Variants in RNF216 observed in about 807,000 individuals in gnomAD.
The protein encoded by RNF216 is ring finger protein 216, also known as E3 ubiquitin-protein ligase RNF216.
Under a neutral mutation model 110.8 loss-of-function variants are expected in RNF216, and 72 were observed. The observed-to-expected ratio is 0.65, with a 90% CI of 0.54 to 0.79. The LOEUF is 0.79. Among genes scored for constraint, RNF216 ranks in the 30% least tolerant of loss-of-function variants. RNF216 has a pLI of 0.00. For missense variants in RNF216, 1,342 were observed against 1,141.2 expected (o/e 1.18, Z -2.54); for synonymous variants, 495 against 407.5 (o/e 1.21, Z -2.59).
intron 13 of RNF216, among the ~76,000 whole-genome samples, chr7:5,660,518 T>C (rs1005167519): frequency 6.6e-6 from 1 of 151,862 alleles, no homozygotes. Context: ...TCTCCATCTC[T>C]TGACCTGGTG....
chr7:5,686,936 T>C (rs1044403957), intron 13 of RNF216, among the ~76,000 whole-genome samples: 1 of 152,190 alleles, frequency 6.6e-6, no homozygotes, highest in Non-Finnish European at 1.5e-5. Context: ...GCTCAGGTCG[T>C]AATGCTCACT....
chr7:5,708,717 C>T (rs535615347), intron 13 of RNF216, among the ~76,000 whole-genome samples: 1 of 152,156 alleles, frequency 6.6e-6, no homozygotes, highest in African/African-American at 2.4e-5. Context: ...ATCACAGGCC[C>T]TCTGGAGCTG....
At chr7:5,660,943 G>GTTTTTTTTTGTTTTTTT (rs1470327757) in intron 13 of RNF216, among the ~76,000 whole-genome samples, 1 of 90,164 alleles carries the variant, frequency 1.1e-5, no homozygotes, top group African/African-American at 5.5e-5. Context: ...GAAGCCTTAG[G>GTTTTTTTTTGTTTTTTT]TTTTTTTTTT....
At chr7:5,736,432 C>T (rs979202794) in intron 5 of RNF216, among the ~76,000 whole-genome samples, 4 of 152,192 alleles carry the variant, frequency 2.6e-5, no homozygotes, top group South Asian at 4.1e-4. Context: ...CTCAGTGTTG[C>T]CCAGGCTGCA....
At chr7:5,709,095 C>T (rs575877968) in intron 13 of RNF216, among the ~76,000 whole-genome samples, 1 of 152,308 alleles carries the variant, frequency 6.6e-6, no homozygotes, top group Non-Finnish European at 1.5e-5. Flanking sequence ...CATGCTCCAA[C>T]TCCTTCCCTC....
At chr7:5,641,099 A>C in intron 15 of RNF216, 55 bp downstream of exon 15, 1 of 1,362,532 alleles carries the variant, frequency 7.3e-7, no homozygotes, top group Non-Finnish European at 1.0e-6. Flanking sequence ...TTTGTCATAA[A>C]AATATATTTC....
chr7:5,672,726 G>C (rs1398984796), intron 13 of RNF216, among the ~76,000 whole-genome samples: 1 of 152,162 alleles, frequency 6.6e-6, no homozygotes, highest in Non-Finnish European at 1.5e-5. Context: ...GAGAAGGCCA[G>C]TGAGGAGGCT....
chr7:5,737,767 G>A (rs1322778202), intron 5 of RNF216, among the ~76,000 whole-genome samples: 2 of 152,096 alleles, frequency 1.3e-5, no homozygotes, highest in Non-Finnish European at 2.9e-5. Flanking sequence ...GAACTTTGGG[G>A]AAAGGTGTTT....
At position 5,768,881 on chromosome 7, in the gene RNF216, T is replaced by C. The variant is rs531890350; in HGVS notation, c.-69-7743A>G. On this transcript the variant is annotated intron_variant, in intron 1 of 16. Transcript: ENST00000389902. ...TTTCACCATGTTAGCCAGGATGGTC[T>C]TGATCTCCTGACCTCGTGATCCACC... Among the ~76,000 whole-genome samples the C allele has an allele frequency of 3.4e-3, 511 of 151,928 alleles. 2 individuals carry two copies. Among genetic ancestry groups the C allele is most frequent in the Non-Finnish European group, 5.0e-3 (340 of 67,936 alleles).
intron 15 of RNF216, among the ~76,000 whole-genome samples, chr7:5,630,718 A>G (rs980063214): frequency 6.6e-6 from 1 of 152,156 alleles, no homozygotes; most frequent in African/African-American, 2.4e-5. Context: ...AGCGCCAAGC[A>G]CAGTGACAAC....
chr7:5,640,542 C>G (rs1787675592), intron 15 of RNF216, among the ~76,000 whole-genome samples: 1 of 152,170 alleles, frequency 6.6e-6, no homozygotes, highest in Non-Finnish European at 1.5e-5. Flanking sequence ...GTTTAATTTC[C>G]TTGCCAGCCT....
chr7:5,730,386 T>C (rs1177335013), intron 6 of RNF216, among the ~76,000 whole-genome samples: 2 of 152,180 alleles, frequency 1.3e-5, no homozygotes, highest in African/African-American at 4.8e-5. Flanking sequence ...CATAATAAAA[T>C]GTTAAGAGTT....
chr7:5,710,448 A>T (rs1792604694), intron 13 of RNF216, among the ~76,000 whole-genome samples: 1 of 151,992 alleles, frequency 6.6e-6, no homozygotes, highest in Admixed American at 6.6e-5. Context: ...GTACATAAGC[A>T]CTTTCACTGG....
chr7:5,655,234 A>C (rs1367673884), intron 13 of RNF216, among the ~76,000 whole-genome samples: 1 of 152,072 alleles, frequency 6.6e-6, no homozygotes. Context: ...CTCACCCTCT[A>C]CGTCACAGTG....
chr7:5,656,501 A>G (rs895679566), intron 13 of RNF216, among the ~76,000 whole-genome samples: 1 of 152,008 alleles, frequency 6.6e-6, no homozygotes, highest in African/African-American at 2.4e-5. Flanking sequence ...CGACTGGGGG[A>G]AACCACGGAG....
At chr7:5,688,743 G>T (rs958680549) in intron 13 of RNF216, among the ~76,000 whole-genome samples, 1 of 151,790 alleles carries the variant, frequency 6.6e-6, no homozygotes, top group Non-Finnish European at 1.5e-5. Context: ...TTTTTGGACT[G>T]GGATATCTGT....
intron 1 of RNF216, among the ~76,000 whole-genome samples, chr7:5,777,949 T>C (rs778200888): frequency 6.9e-6 from 1 of 144,310 alleles, no homozygotes; most frequent in Non-Finnish European, 1.6e-5. Flanking sequence ...TACATCCTCA[T>C]GTGTGGAGGG....
At chr7:5,753,034 T>A in intron 2 of RNF216, 55 bp from the exon 3 acceptor site, 1 of 1,554,898 alleles carries the variant, frequency 6.4e-7, no homozygotes, top group Non-Finnish European at 8.7e-7. Flanking sequence ...CACATCCAAC[T>A]CTTTAAGTTT....
chr7:5,752,756 G>A, intron 3 of RNF216, 90 bp downstream of exon 3: 1 of 1,305,038 alleles, frequency 7.7e-7, no homozygotes, highest in Non-Finnish European at 1.1e-6. Flanking sequence ...TACAAGAGGT[G>A]CTGTTCTACA....
Sources: allele counts gnomAD v4.1 joint callset (sites outside exome capture counted in the v4.1 genomes callset), GRCh38; gene constraint gnomAD v4.1.1; transcripts MANE v1.5; gene names NCBI Gene and HGNC (gene_info 2026-07-23, HGNC 2026-07-21).